Variants in STK3 observed in about 807,000 individuals in gnomAD.
The protein encoded by STK3 is serine/threonine-protein kinase 3.
In STK3, 41 loss-of-function variants were observed where a neutral mutation model predicts 58.0. The observed-to-expected ratio is 0.71, with a 90% CI of 0.55 to 0.92. The LOEUF is 0.92. Ranked by LOEUF, STK3 falls within the 40% of genes least tolerant of loss-of-function variation. The pLI, the probability that STK3 is intolerant of heterozygous loss-of-function variation, is 0.00. For missense variants in STK3, 479 were observed against 602.7 expected, an observed-to-expected ratio of 0.79 and a Z score of 2.15; for synonymous variants, 170 against 191.0, an observed-to-expected ratio of 0.89 and a Z score of 0.91.
chr8:98,396,024 T>G (rs915388520), intron 3 of STK3, among the ~76,000 whole-genome samples: 18 of 152,158 alleles, frequency 1.2e-4, no homozygotes, highest in Non-Finnish European at 2.1e-4. Flanking sequence ...TTCAGTGAAA[T>G]GTTGTGTATT....
At chr8:98,599,948 A>G (rs1692330771) in intron 6 of STK3, among the ~76,000 whole-genome samples, 1 of 152,196 alleles carries the variant, frequency 6.6e-6, no homozygotes, top group Non-Finnish European at 1.5e-5. Flanking sequence ...AGCCTGGGCA[A>G]CAAGAGGGAA....
At chr8:98,666,875 T>C (rs1245961854) in intron 6 of STK3, among the ~76,000 whole-genome samples, 5 of 152,144 alleles carry the variant, frequency 3.3e-5, no homozygotes, top group Non-Finnish European at 7.4e-5. Flanking sequence ...CTAGAAAAGA[T>C]AACATTTGTG....
chr8:98,663,028 T>C (rs1327237850), intron 6 of STK3, among the ~76,000 whole-genome samples: 1 of 152,054 alleles, frequency 6.6e-6, no homozygotes, highest in African/African-American at 2.4e-5. Flanking sequence ...AATTGATAAA[T>C]GGGATCTAAT....
chr8:98,807,526 G>T (rs1232109800), intron 1 of STK3, among the ~76,000 whole-genome samples: 1 of 152,054 alleles, frequency 6.6e-6, no homozygotes, highest in Non-Finnish European at 1.5e-5. Context: ...CCAAAGTACT[G>T]GGATTACAGG....
intron 2 of STK3, among the ~76,000 whole-genome samples, chr8:98,767,668 T>C (rs909782714): frequency 2.0e-5 from 3 of 152,156 alleles, no homozygotes; most frequent in South Asian, 2.1e-4. Flanking sequence ...ATTAAGAAGA[T>C]ATAAATGGAA....
At chr8:98,924,942 A>G (rs1411204366) in intron 1 of STK3, among the ~76,000 whole-genome samples, 1 of 152,174 alleles carries the variant, frequency 6.6e-6, no homozygotes, top group African/African-American at 2.4e-5. Context: ...GGTACCAACA[A>G]GAAGGGAGAG....
intron 3 of STK3, among the ~76,000 whole-genome samples, chr8:98,831,980 A>G (rs1298856776): frequency 6.6e-6 from 1 of 152,228 alleles, no homozygotes; most frequent in East Asian, 1.9e-4. Context: ...TTAAAACAAG[A>G]AGACTAGAAG....
At chr8:98,371,044 T>C (rs1276531633), downstream of STK3, among the ~76,000 whole-genome samples, 1 of 152,192 alleles carries the variant, frequency 6.6e-6, no homozygotes, top group Non-Finnish European at 1.5e-5. Flanking sequence ...GGACCCAAAA[T>C]GTTCCTAGGA....
At chr8:98,821,679 TAAAA>T (rs1162994165) in intron 1 of STK3, among the ~76,000 whole-genome samples, 16 of 149,602 alleles carry the variant, frequency 1.1e-4, no homozygotes, top group Admixed American at 7.3e-4. Context: ...AAAAAAAAGT[TAAAA>T]AGAAAAAAAA....
intron 6 of STK3, among the ~76,000 whole-genome samples, chr8:98,696,244 G>A (rs201179348): frequency 5.9e-5 from 9 of 152,192 alleles, no homozygotes; most frequent in Admixed American, 1.3e-4. Flanking sequence ...TATCAGCTAA[G>A]GGAGATTTTG....
At chr8:98,360,363 C>T in the STK3 span, among the ~76,000 whole-genome samples, 199 of 152,310 alleles carry the variant, frequency 1.3e-3, 3 homozygotes, top group African/African-American at 4.4e-3. Context: ...TGTAAACTTG[C>T]GCTCCACAAA....
chr8:98,628,866 C>G (rs931415150), intron 6 of STK3, among the ~76,000 whole-genome samples: 3 of 141,724 alleles, frequency 2.1e-5, no homozygotes, highest in African/African-American at 5.2e-5. Context: ...AAATGGAAGA[C>G]AGTGACGAAG....
At position 98,428,192 on chromosome 8, in the gene STK3, C is replaced by T. The variant is rs572431917; in HGVS notation, n.483+5935G>A. 1.6e-5 allele frequency: 26 copies of T among 1,614,090 alleles called. No homozygotes were observed. The African/African-American group carries it at 1.9e-4, about 12-fold the overall frequency. On this transcript the variant is annotated intron_variant and non_coding_transcript_variant, in intron 3 of 3. Coordinates refer to the STK3 transcript ENST00000517832. The surrounding 1 kb of genome is among the most constrained non-coding windows in gnomAD (Gnocchi z 6.7). ...ACGACGTCCAGCGGGAGTTCTACTT[C>T]GACCGCAACCCTGAGCTCTTCCCCT...
At chr8:98,885,628 C>T (rs945997708) in intron 1 of STK3, among the ~76,000 whole-genome samples, 5 of 152,138 alleles carry the variant, frequency 3.3e-5, no homozygotes, top group African/African-American at 9.6e-5. Context: ...TTAGTGGAGA[C>T]GGGGTTTCTC....
At chr8:98,498,707 C>T (rs1300158027) in intron 10 of STK3, among the ~76,000 whole-genome samples, 1 of 152,190 alleles carries the variant, frequency 6.6e-6, no homozygotes, top group East Asian at 1.9e-4. Context: ...GCTGATCCCT[C>T]TTTTTAGAAC....
At chr8:98,575,132 T>C (rs1204569997) in intron 8 of STK3, among the ~76,000 whole-genome samples, 1 of 152,154 alleles carries the variant, frequency 6.6e-6, no homozygotes, top group African/African-American at 2.4e-5. Flanking sequence ...GATGACATTC[T>C]AGATTTTGAG....
chr8:98,377,069 T>C (rs1817683323), intron 2 of STK3, among the ~76,000 whole-genome samples: 1 of 152,202 alleles, frequency 6.6e-6, no homozygotes, highest in African/African-American at 2.4e-5. Context: ...GGAAGACTCT[T>C]CTTCCAGATA....
intron 10 of STK3, among the ~76,000 whole-genome samples, chr8:98,520,653 C>G (rs1028856023): frequency 1.3e-5 from 2 of 151,948 alleles, no homozygotes; most frequent in African/African-American, 4.8e-5. Context: ...CAACTTCTAT[C>G]AAATAGACTT....
At chr8:98,760,184 C>T (rs749512633) in intron 3 of STK3, among the ~76,000 whole-genome samples, 1 of 152,142 alleles carries the variant, frequency 6.6e-6, no homozygotes, top group Non-Finnish European at 1.5e-5. Flanking sequence ...CTCTGTCACC[C>T]ACGCTAGAGT....
Sources: gnomAD v4.1 joint callset for allele counts (sites outside exome capture counted in the v4.1 genomes callset) on GRCh38, gnomAD v4.1.1 for gene constraint, Gnocchi (gnomAD v3.1) non-coding constraint, MANE v1.5 for transcripts, NCBI Gene and HGNC (gene_info 2026-07-23, HGNC 2026-07-21) for gene names.